KDM4A: variants seen among roughly 807,000 people sequenced by gnomAD.
The protein encoded by KDM4A is lysine-specific demethylase 4A.
KDM4A carries 23 observed loss-of-function variants against 127.1 expected under a neutral mutation model. The ratio of observed to expected loss-of-function variants is 0.18; its 90% CI spans 0.13 to 0.26. KDM4A has a LOEUF of 0.26. Ranked by LOEUF, KDM4A falls within the 10% of genes least tolerant of loss-of-function variation. The pLI is 1.00. For synonymous variants in KDM4A, 443 were observed against 466.5 expected, an observed-to-expected ratio of 0.95 and a Z score of 0.65; for missense variants, 890 against 1,329.1, an observed-to-expected ratio of 0.67 and a Z score of 5.14.
intron 19 of KDM4A, 119 bp from the exon 20 acceptor site, chr1:43,703,498 G>C: frequency 7.8e-7 from 1 of 1,282,866 alleles, no homozygotes; most frequent in East Asian, 2.4e-5. Flanking sequence ...AGCCCAGAGA[G>C]CTGCCTTGCT....
chr1:43,701,261 C>G (rs1033564682), intron 19 of KDM4A, among the ~76,000 whole-genome samples: 1 of 152,116 alleles, frequency 6.6e-6, no homozygotes, highest in Non-Finnish European at 1.5e-5. Context: ...CACTAATAAT[C>G]AAAAAACTTG....
chr1:43,665,605 G>A, intron 5 of KDM4A, 91 bp from the exon 6 acceptor site: 1 of 1,155,190 alleles, frequency 8.7e-7, no homozygotes. Context: ...AAAAAAATCT[G>A]CTATTTCAAG....
chr1:43,697,968 T>C lies in KDM4A; in HGVS notation c.2796T>C (p.Phe932=). The change falls in exon 19 of 22, where the codon TTT becomes TTC. Residue 932 remains phenylalanine (F), a synonymous_variant. Transcript: ENST00000372396. ...CCGAGACCTTCTATGAAGTCAACTT[T>C]GATGATGGCTCCTTCAGCGACAATC... ...LTTETFYEVN[F]DDGSFSDNLY... is the part of the protein sequence containing the mutation. The C allele has an allele frequency of 6.2e-7, 1 of 1,613,826 alleles. No individual in the cohort carries two copies. Among genetic ancestry groups the C allele is most frequent in the Non-Finnish European group, 8.5e-7 (1 of 1,180,012 alleles).
chr1:43,703,697 A>G lies in KDM4A; in HGVS notation c.2922A>G (p.Gly974=), dbSNP rs141095575. 6.2e-7 allele frequency: 1 copy of G among 1,614,014 alleles called. No homozygotes were observed. Among genetic ancestry groups the G allele is most frequent in the African/African-American group, 1.3e-5 (1 of 74,900 alleles). ...QVRWTDGQVY[G]AKFVASHPIQ... ...GATGGACAGACGGCCAAGTCTATGG[A>G]GCCAAGTTTGTGGCCTCCCACCCTA... The change falls in exon 20 of 22, where the codon GGA becomes GGG. Residue 974 remains glycine, a synonymous_variant. Transcript: ENST00000372396.
At chr1:43,687,188 G>A (rs553771071) in intron 12 of KDM4A, among the ~76,000 whole-genome samples, 18 of 152,336 alleles carry the variant, frequency 1.2e-4, no homozygotes, top group South Asian at 4.1e-4. Context: ...AATTGTCTGC[G>A]TTGGTGTCCT....
Position 43,694,745 on chromosome 1 carries a change from G to T in KDM4A, c.2521G>T (p.Ala841Ser). The T allele has an allele frequency of 6.2e-7, 1 of 1,613,228 alleles. No individual in the cohort carries two copies. The highest frequency in any genetic ancestry group is 1.1e-5 in the South Asian group (1 of 91,064). ...CTGTAAGAAGCGGAGGAAAAGAACT[G>T]CTGGCTGCTGTGTGCAGTGTTCTCA... Reference protein sequence around the residue: ...IFCKKRRKRTAGCCVQCSHGR... With the variant: ...IFCKKRRKRTSGCCVQCSHGR... The change falls in exon 18 of 22, where the codon GCT becomes TCT. Residue 841 changes from alanine to serine, a missense_variant. Coordinates refer to ENST00000372396, the MANE Select transcript of KDM4A (RefSeq NM_014663.3). This position sits in a 1 kb window ranked among gnomAD's most constrained non-coding sequence, Gnocchi z 5.2.
At position 43,693,892 on chromosome 1, in the gene KDM4A, G is replaced by A. The variant is rs1041170275; in HGVS notation, c.2376-102G>A. The A allele has an allele frequency of 1.2e-6, 1 of 843,850 alleles. No individual in the cohort carries two copies. Among genetic ancestry groups the A allele is most frequent in the Non-Finnish European group, 1.9e-6 (1 of 516,520 alleles). The allele number at this position is 843,850 out of a possible 1,614,324, so 52.3% of individuals were successfully genotyped here. On this transcript the variant is annotated intron_variant, in intron 16 of 21. Coordinates refer to ENST00000372396, the MANE Select transcript of KDM4A (RefSeq NM_014663.3). This position sits in a 1 kb window ranked among gnomAD's most constrained non-coding sequence, Gnocchi z 4.2. ...CAGGCATGTGCTGGTGGAAGTCAGT[G>A]GTCACCCAGGTGAGGGAGGAAGCGC...
intron 11 of KDM4A, among the ~76,000 whole-genome samples, chr1:43,677,142 C>T (rs1194676275): frequency 1.3e-5 from 2 of 152,008 alleles, no homozygotes; most frequent in African/African-American, 4.8e-5. Context: ...GTCAGGAGTG[C>T]GAGACCAGCC....
intron 3 of KDM4A, among the ~76,000 whole-genome samples, chr1:43,656,651 T>C (rs922816529): frequency 6.6e-6 from 1 of 151,812 alleles, no homozygotes; most frequent in African/African-American, 2.4e-5. Context: ...CTCCGCTGTT[T>C]TTAATGTTTA....
At chr1:43,655,789 CT>C in intron 3 of KDM4A, 23 bp downstream of exon 3, 1 of 1,592,788 alleles carries the variant, frequency 6.3e-7, no homozygotes, top group Non-Finnish European at 8.6e-7. Context: ...CCTTTCTTAC[CT>C]GACATAGCAC....
intron 10 of KDM4A, among the ~76,000 whole-genome samples, chr1:43,670,229 C>CT (rs1314952908): frequency 1.3e-5 from 2 of 152,154 alleles, no homozygotes; most frequent in Admixed American, 6.5e-5. Flanking sequence ...TTGTATCTGT[C>CT]TTGGGTCAGG....
chr1:43,675,274 T>C (rs1355628057), intron 11 of KDM4A, among the ~76,000 whole-genome samples: 3 of 152,230 alleles, frequency 2.0e-5, no homozygotes, highest in African/African-American at 7.2e-5. Flanking sequence ...ATTTATGGCA[T>C]GCCTACTCTA....
At chr1:43,659,570 C>T (rs1660324015) in intron 3 of KDM4A, among the ~76,000 whole-genome samples, 1 of 152,250 alleles carries the variant, frequency 6.6e-6, no homozygotes, top group East Asian at 1.9e-4. Flanking sequence ...CCGCCCCCGC[C>T]AGGCCTCCCA....
At chr1:43,654,094 C>T (rs976360377) in intron 2 of KDM4A, among the ~76,000 whole-genome samples, 4 of 152,188 alleles carry the variant, frequency 2.6e-5, no homozygotes, top group African/African-American at 9.6e-5. Flanking sequence ...TTGAGACGAC[C>T]ACATCCTCTT....
At chr1:43,669,906 G>A (rs1308583609) in intron 10 of KDM4A, among the ~76,000 whole-genome samples, 1 of 152,086 alleles carries the variant, frequency 6.6e-6, no homozygotes, top group Non-Finnish European at 1.5e-5. Context: ...GCCTGCCTCG[G>A]CCTCCCAAAA....
chr1:43,680,206 C>G (rs1660827457), intron 11 of KDM4A, among the ~76,000 whole-genome samples: 1 of 152,142 alleles, frequency 6.6e-6, no homozygotes, highest in Admixed American at 6.5e-5. Flanking sequence ...TCAGAGGCAG[C>G]ATGACGGTAG....
At chr1:43,696,761 A>G (rs1007564665) in intron 18 of KDM4A, among the ~76,000 whole-genome samples, 6 of 152,232 alleles carry the variant, frequency 3.9e-5, no homozygotes, top group African/African-American at 1.4e-4. Flanking sequence ...CACATGCTTA[A>G]GCTGGCAGCT....
chr1:43,696,918 A>C (rs1260501028), intron 18 of KDM4A, among the ~76,000 whole-genome samples: 1 of 152,078 alleles, frequency 6.6e-6, no homozygotes, highest in Non-Finnish European at 1.5e-5. Context: ...CAAGACAAAA[A>C]AGTCCTTGCC....
chr1:43,653,447 T>G, intron 2 of KDM4A, 134 bp downstream of exon 2: 1 of 771,100 alleles, frequency 1.3e-6, no homozygotes, highest in Non-Finnish European at 2.0e-6. Flanking sequence ...GCGGTTCTAT[T>G]TGCAAGTTAA....
Sources: allele counts gnomAD v4.1 joint callset (sites outside exome capture counted in the v4.1 genomes callset), GRCh38; gene constraint gnomAD v4.1.1; non-coding constraint Gnocchi (gnomAD v3.1); transcripts MANE v1.5; gene names NCBI Gene and HGNC (gene_info 2026-07-23, HGNC 2026-07-21).